The following TMCO4 variants were observed in gnomAD, a reference collection of about 807,000 sequenced individuals.
TMCO4 encodes transmembrane and coiled-coil domains 4.
Under a neutral mutation model 64.7 loss-of-function variants are expected in TMCO4, and 58 were observed. That is an observed-to-expected ratio of 0.90 (90% CI 0.73 to 1.12). The LOEUF (loss-of-function observed/expected upper bound fraction) is 1.12, where lower values mean the gene tolerates loss of function less well. Among genes scored for constraint, TMCO4 ranks in the 50% most tolerant of loss-of-function variants. TMCO4 has a pLI of 0.00. For synonymous variants in TMCO4, 325 were observed against 346.1 expected (o/e 0.94, Z 0.68); for missense variants, 780 against 825.9 (o/e 0.94, Z 0.68).
chr1:19,791,871 AATCTCACCTTGAATTAT>A (rs927780132), intron 2 of TMCO4, among the ~76,000 whole-genome samples: 1 of 152,108 alleles, frequency 6.6e-6, no homozygotes, highest in African/African-American at 2.4e-5. Flanking sequence ...TCCCCACCCA[AATCTCACCTTGAATTAT>A]AGCTCCCACA....
At chr1:19,768,335 A>T (rs1290112898) in intron 6 of TMCO4, among the ~76,000 whole-genome samples, 1 of 152,208 alleles carries the variant, frequency 6.6e-6, no homozygotes, top group Non-Finnish European at 1.5e-5. Context: ...CAGCAGCCCG[A>T]GTCTCAGACC....
intron 15 of TMCO4, among the ~76,000 whole-genome samples, chr1:19,688,278 T>C (rs2095165707): frequency 6.6e-6 from 1 of 152,136 alleles, no homozygotes; most frequent in African/African-American, 2.4e-5. Flanking sequence ...CTCACTCACC[T>C]CTGTGCCCCA....
chr1:19,738,591 G>A lies in TMCO4; in HGVS notation c.1180-1135C>T, dbSNP rs193228482. Among the ~76,000 whole-genome samples, 446 of 152,354 alleles carry A rather than the reference G, an allele frequency of 2.9e-3. 6 individuals are homozygous for A. The highest frequency in any genetic ancestry group is 2.1e-3 in the Non-Finnish European group (141 of 68,030). On this transcript the variant is annotated intron_variant, in intron 12 of 15. Transcript: ENST00000294543. The stretch of plus-strand genomic sequence containing the variant: ...GATATTGACACCCAGACTCTTACTT[G>A]GGAGAGAACAAAATTCTATCTTGTC...
chr1:19,789,293 T>C (rs2043909083), intron 2 of TMCO4, among the ~76,000 whole-genome samples: 1 of 151,816 alleles, frequency 6.6e-6, no homozygotes, highest in Non-Finnish European at 1.5e-5. Context: ...CCCCAGCTAT[T>C]CAGGAGGCTG....
At chr1:19,760,068 G>A (rs541910664) in intron 6 of TMCO4, among the ~76,000 whole-genome samples, 4 of 152,190 alleles carry the variant, frequency 2.6e-5, no homozygotes, top group Admixed American at 2.6e-4. Context: ...TCCCCCAGGG[G>A]ACTAGGGGAG....
intron 2 of TMCO4, among the ~76,000 whole-genome samples, chr1:19,796,323 T>C (rs1365808941): frequency 6.6e-6 from 1 of 152,120 alleles, no homozygotes; most frequent in Non-Finnish European, 1.5e-5. Context: ...CGCACCTCCC[T>C]GGATTTGTCC....
chr1:19,714,839 C>T (rs1459794997), intron 13 of TMCO4, among the ~76,000 whole-genome samples: 1 of 152,144 alleles, frequency 6.6e-6, no homozygotes, highest in Non-Finnish European at 1.5e-5. Context: ...AGGAGAATCG[C>T]TTGAACCCAG....
chr1:19,747,609 T>C (rs1317544977), intron 7 of TMCO4, among the ~76,000 whole-genome samples: 1 of 152,026 alleles, frequency 6.6e-6, no homozygotes, highest in Non-Finnish European at 1.5e-5. Context: ...AATCACAGAC[T>C]CCATCACCTC....
intron 13 of TMCO4, among the ~76,000 whole-genome samples, chr1:19,731,482 T>G (rs1300219925): frequency 2.0e-5 from 3 of 152,196 alleles, no homozygotes; most frequent in Non-Finnish European, 4.4e-5. Context: ...GTTACATGAC[T>G]GGGTGCGTGG....
At chr1:19,684,063 C>CT (rs3048209) in intron 15 of TMCO4, among the ~76,000 whole-genome samples, 1,278 of 70,254 alleles carry the variant, frequency 0.018, 42 homozygotes, top group African/African-American at 0.046. Flanking sequence ...TGCCCGGCAG[C>CT]TTTTTTTTTT....
intron 2 of TMCO4, among the ~76,000 whole-genome samples, chr1:19,788,191 G>A (rs1195645301): frequency 1.3e-5 from 2 of 152,198 alleles, no homozygotes; most frequent in Non-Finnish European, 2.9e-5. Flanking sequence ...GAATGTACCT[G>A]TACTGTGCCT....
chr1:19,696,915 C>G (rs1198184222), intron 14 of TMCO4, among the ~76,000 whole-genome samples: 1 of 152,208 alleles, frequency 6.6e-6, no homozygotes, highest in Admixed American at 6.5e-5. Flanking sequence ...ACCTTCTCCA[C>G]CCGGCTCTGG....
intron 13 of TMCO4, among the ~76,000 whole-genome samples, chr1:19,703,852 C>A (rs1453835237): frequency 6.6e-6 from 1 of 152,092 alleles, no homozygotes; most frequent in Non-Finnish European, 1.5e-5. Context: ...CCGTCCAGCT[C>A]TTTCTTATGG....
chr1:19,750,616 A>G (rs1373566089), intron 7 of TMCO4, among the ~76,000 whole-genome samples: 1 of 152,002 alleles, frequency 6.6e-6, no homozygotes, highest in African/African-American at 2.4e-5. Context: ...GGACACTGTC[A>G]TCTCTCCCCG....
chr1:19,748,882 T>C (rs944035627), intron 7 of TMCO4, among the ~76,000 whole-genome samples: 3 of 152,066 alleles, frequency 2.0e-5, no homozygotes, highest in East Asian at 1.9e-4. Flanking sequence ...GTAAACAAAA[T>C]GGGATTTCAG....
chr1:19,729,159 T>G (rs1003909106), intron 13 of TMCO4, among the ~76,000 whole-genome samples: 5 of 148,252 alleles, frequency 3.4e-5, no homozygotes, highest in Middle Eastern at 3.2e-3. Context: ...AATAATTTTG[T>G]TTTTTTTTGA....
At chr1:19,718,838 A>G (rs1034775321) in intron 13 of TMCO4, among the ~76,000 whole-genome samples, 4 of 151,990 alleles carry the variant, frequency 2.6e-5, no homozygotes, top group Middle Eastern at 3.2e-3. Context: ...GGTATTCTCC[A>G]CCAAATTTCT....
intron 7 of TMCO4, among the ~76,000 whole-genome samples, chr1:19,754,252 A>T (rs1240864295): frequency 6.6e-6 from 1 of 152,212 alleles, no homozygotes; most frequent in African/African-American, 2.4e-5. Flanking sequence ...TTTCCAAATA[A>T]TAACTGAGAG....
intron 4 of TMCO4, among the ~76,000 whole-genome samples, chr1:19,779,654 C>A (rs2043366547): frequency 6.6e-6 from 1 of 152,200 alleles, no homozygotes; most frequent in African/African-American, 2.4e-5. Flanking sequence ...CAATCAGCCA[C>A]CTGGGCACCC....
Sources: gnomAD v4.1 joint callset for allele counts (sites outside exome capture counted in the v4.1 genomes callset) on GRCh38, gnomAD v4.1.1 for gene constraint, MANE v1.5 for transcripts, NCBI Gene and HGNC (gene_info 2026-07-23, HGNC 2026-07-21) for gene names.